AHSG: variants seen among roughly 807,000 people sequenced by gnomAD.
AHSG encodes alpha 2-HS glycoprotein, also known as alpha-2-HS-glycoprotein.
AHSG carries 23 observed loss-of-function variants against 30.1 expected under a neutral mutation model. That is an observed-to-expected ratio of 0.76 (90% CI 0.55 to 1.08). The LOEUF is 1.08. Ranked by LOEUF, AHSG falls within the 50% of genes least tolerant of loss-of-function variation. AHSG has a pLI of 0.00. For missense variants in AHSG, 469 were observed against 459.5 expected (o/e 1.02, Z -0.19); for synonymous variants, 164 against 186.3 (o/e 0.88, Z 0.98).
At position 186,621,074 on chromosome 3, in the gene AHSG, A is replaced by C; in HGVS notation, c.*144A>C. 1.3e-6 allele frequency: 1 copy of C among 764,556 alleles called. No homozygotes were observed. Among genetic ancestry groups the C allele is most frequent in the South Asian group, 1.9e-5 (1 of 53,968 alleles). 47.4% of individuals were successfully genotyped at this position (764,556 alleles called of 1,614,324 possible). A position where few individuals can be genotyped will look rare whatever the true frequency, so the allele number is the denominator to read the frequency against. ...CATTAATATCAAGTCTTGACTCCCT[A>C]CTTCCCGTCATTCCTCACAGGACAG... On this transcript the variant is annotated 3_prime_UTR_variant, in exon 7 of 7. Coordinates refer to ENST00000411641, the MANE Select transcript of AHSG (RefSeq NM_001622.4).
chr3:186,613,877 A>G (rs1248017457), intron 1 of AHSG, among the ~76,000 whole-genome samples: 1 of 151,468 alleles, frequency 6.6e-6, no homozygotes, highest in East Asian at 1.9e-4. Flanking sequence ...ACCCAAGAGG[A>G]GACCAAGGCT....
In AHSG at chr3:186,616,502, A is replaced by G; in HGVS notation, c.384A>G (p.Val128=). 1 of 1,612,646 alleles carries G rather than the reference A, an allele frequency of 6.2e-7. No homozygotes were observed. The highest frequency in any genetic ancestry group is 8.5e-7 in the Non-Finnish European group (1 of 1,179,294). Residue 128 remains valine, a synonymous_variant, in exon 3 of 7, where the codon GTA becomes GTG. Transcript: ENST00000411641. ...LLKLDGKFSV[V]YAKCDSSPDS... ...AACTAGATGGCAAGTTTTCCGTGGT[A>G]TACGCAAAATGTGATTCCAGTCCAG...
chr3:186,621,257 T>G lies in AHSG; in HGVS notation c.*327T>G. On this transcript the variant is annotated 3_prime_UTR_variant, in exon 7 of 7. Transcript: ENST00000411641. ...TTGAAAGGTGCTCTTGCTAAGCTTA[T>G]ATGTGCCTGTTAATGAAAGTGCCTG... 3.4e-6 allele frequency: 1 copy of G among 294,302 alleles called. No homozygotes were observed. The highest frequency in any genetic ancestry group is 6.5e-6 in the Non-Finnish European group (1 of 154,594). 18.2% of individuals were successfully genotyped at this position (294,302 alleles called of 1,614,324 possible). A position where few individuals can be genotyped will look rare whatever the true frequency, so the allele number is the denominator to read the frequency against.
rs752255821 is a variant in AHSG, at chr3:186,620,902, C to T, written c.1076C>T (p.Pro359Leu). ...GCTGGGCCAGTGGTTCCTCCATGTC[C>T]GGGGAGGATCAGACACTTCAAGGTC... ...AAAGPVVPPC[P>L]GRIRHFKV is the part of the protein sequence containing the mutation. The change falls in exon 7 of 7, where the codon CCG becomes CTG. Residue 359 changes from proline to leucine, a missense_variant. Pro to Leu is a moderately conservative substitution (Grantham distance 98). Coordinates refer to ENST00000411641, the MANE Select transcript of AHSG (RefSeq NM_001622.4). 1.5e-5 allele frequency: 24 copies of T among 1,613,636 alleles called. No individual in the cohort carries two copies. The Admixed American group carries it at 2.0e-4, about 13-fold the overall frequency.
In AHSG at chr3:186,619,850, T is replaced by C. The variant is rs1218187296; in HGVS notation, c.676-7T>C. On this transcript the variant is annotated splice_region_variant and splice_polypyrimidine_tract_variant and intron_variant, in intron 5 of 6. Transcript: ENST00000411641. Reference sequence around the variant, plus strand: ...AGTTAAAATAAATCCTCTTTCTCTGTGGGCAGCAATATGGCTTTTGTAAGG... The same window carrying C: ...AGTTAAAATAAATCCTCTTTCTCTGCGGGCAGCAATATGGCTTTTGTAAGG... The C allele has an allele frequency of 6.2e-7, 1 of 1,605,050 alleles. No homozygotes were observed. Among genetic ancestry groups the C allele is most frequent in the East Asian group, 2.2e-5 (1 of 44,794 alleles).
At chr3:186,620,071 T>C (rs996320342) in intron 6 of AHSG, 131 bp downstream of exon 6, 22 of 616,186 alleles carry the variant, frequency 3.6e-5, no homozygotes, top group Non-Finnish European at 4.8e-5. Context: ...GAAATAACAC[T>C]GGGGTATGCG....
chr3:186,617,475 G>T, intron 4 of AHSG, 125 bp downstream of exon 4: 1 of 1,541,894 alleles, frequency 6.5e-7, no homozygotes. Context: ...GCAAGGAGAG[G>T]GTTGTTTGGA....
intron 3 of AHSG, among the ~76,000 whole-genome samples, 169 bp downstream of exon 3, chr3:186,616,696 T>C (rs1190444619): frequency 5.3e-5 from 8 of 152,198 alleles, no homozygotes; most frequent in African/African-American, 1.9e-4. Flanking sequence ...AAGCTACTCT[T>C]GGCCTGGTGC....
At chr3:186,618,450 G>GA in intron 4 of AHSG, 86 bp from the exon 5 acceptor site, 1 of 1,571,902 alleles carries the variant, frequency 6.4e-7, no homozygotes, top group East Asian at 2.3e-5. Flanking sequence ...GGTGCTCCCC[G>GA]AAGGAGGCTA....
At position 186,619,846 on chromosome 3, in the gene AHSG, T is replaced by C; in HGVS notation, c.676-11T>C. ...AATTAGTTAAAATAAATCCTCTTTC[T>C]CTGTGGGCAGCAATATGGCTTTTGT... On this transcript the variant is annotated splice_polypyrimidine_tract_variant and intron_variant, in intron 5 of 6. Transcript: ENST00000411641. The C allele has an allele frequency of 6.2e-7, 1 of 1,602,296 alleles. No individual in the cohort carries two copies. The highest frequency in any genetic ancestry group is 8.5e-7 in the Non-Finnish European group (1 of 1,176,328).
intron 4 of AHSG, 125 bp from the exon 5 acceptor site, chr3:186,618,411 T>C: frequency 6.8e-7 from 1 of 1,465,138 alleles, no homozygotes; most frequent in Non-Finnish European, 9.2e-7. Flanking sequence ...GGGACATGTC[T>C]TCTGGGCCGA....
chr3:186,613,147 G>A lies in AHSG; in HGVS notation c.6G>A (p.Lys2=), dbSNP rs776607710. ...AGGGCCTCTCTGGGGCAGCCATGAA[G>A]TCCCTCGTCCTGCTCCTTTGTCTTG... M[K]SLVLLLCLAQ... is the part of the protein sequence containing the mutation. The change falls in exon 1 of 7, where the codon AAG becomes AAA. Residue 2 remains lysine, a synonymous_variant. Transcript: ENST00000411641. 2.5e-6 allele frequency: 4 copies of A among 1,614,038 alleles called. No homozygotes were observed. Among genetic ancestry groups the A allele is most frequent in the Non-Finnish European group, 3.4e-6 (4 of 1,179,984 alleles).
chr3:186,618,046 A>G (rs1449282934), intron 4 of AHSG: 1 of 158,638 alleles, frequency 6.3e-6, no homozygotes, highest in Non-Finnish European at 1.4e-5. Context: ...TTTAAAAAAG[A>G]AAAGCTCAAG....
chr3:186,618,893 C>T (rs1444201859), intron 5 of AHSG, among the ~76,000 whole-genome samples: 2 of 152,194 alleles, frequency 1.3e-5, no homozygotes, highest in South Asian at 4.1e-4. Flanking sequence ...AGCCAAGTCA[C>T]GCCCACCCAC....
In AHSG at chr3:186,616,531, C is replaced by T. The variant is rs1245352128; in HGVS notation, c.409+4C>T. Reference sequence around the variant, plus strand: ...GCAAAATGTGATTCCAGTCCAGGTACAGATGACTATTCTTATTCTCATTTT... The same window carrying T: ...GCAAAATGTGATTCCAGTCCAGGTATAGATGACTATTCTTATTCTCATTTT... On this transcript the variant is annotated splice_donor_region_variant and intron_variant, in intron 3 of 6. Transcript: ENST00000411641. 2.5e-6 allele frequency: 4 copies of T among 1,603,920 alleles called. No homozygotes were observed. Among genetic ancestry groups the T allele is most frequent in the East Asian group, 4.5e-5 (2 of 44,606 alleles).
chr3:186,617,052 T>C, intron 3 of AHSG, 135 bp from the exon 4 acceptor site: 1 of 1,494,316 alleles, frequency 6.7e-7, no homozygotes, highest in Non-Finnish European at 8.9e-7. Context: ...GCAAAAGCCT[T>C]TTGAAGGTTT....
intron 2 of AHSG, 49 bp from the exon 3 acceptor site, chr3:186,616,394 G>T (rs371601256): frequency 7.3e-6 from 11 of 1,504,966 alleles, no homozygotes; most frequent in African/African-American, 5.5e-5. Flanking sequence ...AGCCTGCCCG[G>T]GGTGCGAAGG....
At chr3:186,613,418 A>G in intron 1 of AHSG, 64 bp downstream of exon 1, 1 of 1,391,224 alleles carries the variant, frequency 7.2e-7, no homozygotes, top group Non-Finnish European at 9.8e-7. Context: ...AGGTGCCTCA[A>G]AAAATCACCA....
intron 2 of AHSG, 57 bp from the exon 3 acceptor site, chr3:186,616,386 C>A: frequency 1.4e-6 from 2 of 1,443,176 alleles, no homozygotes; most frequent in Non-Finnish European, 1.9e-6. Context: ...CTGGAGGGAG[C>A]CTGCCCGGGG....
Sources: gnomAD v4.1 joint callset for allele counts (sites outside exome capture counted in the v4.1 genomes callset) on GRCh38, gnomAD v4.1.1 for gene constraint, MANE v1.5 for transcripts, NCBI Gene and HGNC (gene_info 2026-07-23, HGNC 2026-07-21) for gene names.